Variants in CDH8 observed in about 807,000 individuals in gnomAD.
CDH8 encodes the protein cadherin 8.
A neutral mutation model predicts 68.1 loss-of-function variants in CDH8; 17 were observed. That is an observed-to-expected ratio of 0.25 (90% confidence interval 0.17 to 0.37). The LOEUF (loss-of-function observed/expected upper bound fraction) is 0.37. CDH8 is among the 10% of genes least tolerant of loss of function. The probability of loss-of-function intolerance (pLI) is 1.00; values close to 1 mark genes in which losing one functional copy is unlikely to be tolerated. For missense variants in CDH8, 763 were observed against 999.3 expected, an observed-to-expected ratio of 0.76 and a Z score of 3.19; for synonymous variants, 372 against 365.1, an observed-to-expected ratio of 1.02 and a Z score of -0.21.
chr16:61,914,318 T>C (rs1964204041), intron 2 of CDH8, among the ~76,000 whole-genome samples: 1 of 152,190 alleles, frequency 6.6e-6, no homozygotes, highest in South Asian at 2.1e-4. Context: ...TAATTATCAA[T>C]GAATACCTTA....
chr16:61,850,331 G>A (rs1411616366), intron 4 of CDH8, among the ~76,000 whole-genome samples: 2 of 151,904 alleles, frequency 1.3e-5, no homozygotes, highest in South Asian at 2.1e-4. Flanking sequence ...TGAGGGGAGG[G>A]CACCAAATCA....
chr16:61,989,960 T>G (rs2150588429), intron 2 of CDH8, among the ~76,000 whole-genome samples: 1 of 152,280 alleles, frequency 6.6e-6, no homozygotes, highest in East Asian at 1.9e-4. Context: ...TATCACATGC[T>G]GATTGGGATC....
chr16:61,977,511 G>A lies in CDH8; in HGVS notation c.252+43641C>T, dbSNP rs943607699. Among the ~76,000 whole-genome samples the A allele has an allele frequency of 3.9e-5, 6 of 152,096 alleles. No homozygotes were observed. The East Asian group carries it at 5.8e-4, about 15-fold the overall frequency. ...ATATGATAAATTCTTATCTATAAAA[G>A]TGTGAGTCTGAGGTTAAGGGCAATT... is the stretch of plus-strand genomic sequence containing the variant. On this transcript the variant is annotated intron_variant, in intron 2 of 11. Transcript: ENST00000577390.
chr16:61,735,141 C>A (rs1959641174), intron 8 of CDH8, among the ~76,000 whole-genome samples: 2 of 151,998 alleles, frequency 1.3e-5, no homozygotes, highest in African/African-American at 4.8e-5. Context: ...TTAAGGCCTA[C>A]CTAGGTGATC....
intron 2 of CDH8, among the ~76,000 whole-genome samples, chr16:61,974,405 G>A (rs2150578842): frequency 6.6e-6 from 1 of 152,266 alleles, no homozygotes; most frequent in Middle Eastern, 3.4e-3. Context: ...GCTAAGCCTA[G>A]CAATGCAGGG....
chr16:61,822,174 A>G (rs904730031), intron 5 of CDH8, among the ~76,000 whole-genome samples: 5 of 131,294 alleles, frequency 3.8e-5, no homozygotes, highest in African/African-American at 1.5e-4. Context: ...AGTTCCAGTA[A>G]CCCACTGTAG....
At chr16:61,782,112 C>A (rs143747279) in intron 8 of CDH8, among the ~76,000 whole-genome samples, 1 of 152,122 alleles carries the variant, frequency 6.6e-6, no homozygotes, top group Non-Finnish European at 1.5e-5. Context: ...GGAACAGCTC[C>A]GGTCTACAGC....
intron 3 of CDH8, among the ~76,000 whole-genome samples, chr16:61,884,373 GA>G (rs1020615341): frequency 1.2e-4 from 18 of 150,110 alleles, no homozygotes; most frequent in African/African-American, 4.4e-4. Context: ...CCTTTCTTAT[GA>G]TTTTTTTTTT....
chr16:61,806,774 A>G (rs1162851443), intron 7 of CDH8, among the ~76,000 whole-genome samples: 1 of 46,842 alleles, frequency 2.1e-5, no homozygotes, highest in Admixed American at 2.8e-4. Context: ...ACAATGAGAT[A>G]CCATCTCACA....
At chr16:61,832,365 T>C (rs1453606575) in intron 4 of CDH8, among the ~76,000 whole-genome samples, 3 of 151,376 alleles carry the variant, frequency 2.0e-5, no homozygotes, top group Non-Finnish European at 4.4e-5. Flanking sequence ...GATAGATAGA[T>C]AGATAGATAG....
chr16:61,898,565 C>T (rs1395066929), intron 3 of CDH8, among the ~76,000 whole-genome samples: 1 of 152,110 alleles, frequency 6.6e-6, no homozygotes, highest in Non-Finnish European at 1.5e-5. Flanking sequence ...ATTTTTTCCT[C>T]TGGGATAAAC....
chr16:61,875,206 G>T (rs1963438545), intron 3 of CDH8, among the ~76,000 whole-genome samples: 1 of 151,678 alleles, frequency 6.6e-6, no homozygotes, highest in Non-Finnish European at 1.5e-5. Flanking sequence ...ACATAAAATA[G>T]CTTGGCAAAT....
intron 8 of CDH8, among the ~76,000 whole-genome samples, chr16:61,777,038 G>A (rs1456087980): frequency 6.6e-6 from 1 of 151,994 alleles, no homozygotes; most frequent in African/African-American, 2.4e-5. Context: ...AAAAGAGTGA[G>A]CATGGATAAA....
intron 2 of CDH8, among the ~76,000 whole-genome samples, chr16:61,954,114 G>A (rs1053554699): frequency 2.0e-5 from 3 of 151,884 alleles, no homozygotes; most frequent in Admixed American, 2.0e-4. Context: ...CAGATTTAGA[G>A]GTTAACAAGG....
chr16:61,773,761 A>G (rs1960839569), intron 8 of CDH8, among the ~76,000 whole-genome samples: 1 of 152,110 alleles, frequency 6.6e-6, no homozygotes, highest in South Asian at 2.1e-4. Context: ...ATTGGCAGCC[A>G]TAAAAGGAGC....
chr16:61,780,986 G>C (rs1961036301), intron 8 of CDH8, among the ~76,000 whole-genome samples: 1 of 152,288 alleles, frequency 6.6e-6, no homozygotes, highest in Admixed American at 6.5e-5. Context: ...AACAAAGACA[G>C]ATTTTTAAGT....
rs564807385 is a variant in CDH8, at chr16:61,802,126, G to A, written c.1278-12644C>T. 9.7e-3 allele frequency among the ~76,000 whole-genome samples: 1,257 copies of A among 129,572 alleles called. 40 individuals are homozygous for A. The highest frequency in any genetic ancestry group is 0.042 in the African/African-American group (1,167 of 28,110). The allele number at this position is 129,572 out of a possible 152,430, so 85.0% of individuals were successfully genotyped here. A position where few individuals can be genotyped will look rare whatever the true frequency, so the allele number is the denominator to read the frequency against. ...GCACACAGCTGGAGATCTGAGAACG[G>A]GCAGACTGCCTCCTCAAGTGGGTCC... On this transcript the variant is annotated intron_variant, in intron 7 of 11. Coordinates refer to ENST00000577390, the MANE Select transcript of CDH8 (RefSeq NM_001796.5).
intron 10 of CDH8, chr16:61,693,218 A>C (rs1267189668): frequency 6.6e-6 from 1 of 152,198 alleles, no homozygotes; most frequent in East Asian, 1.9e-4. Flanking sequence ...CTTGTCTTTC[A>C]ATATGATAAG....
At chr16:61,908,089 A>T (rs1257452613) in intron 2 of CDH8, among the ~76,000 whole-genome samples, 1 of 151,536 alleles carries the variant, frequency 6.6e-6, no homozygotes, top group Non-Finnish European at 1.5e-5. Context: ...TGCAACATGA[A>T]TCTCTGTCAT....
Sources: allele counts gnomAD v4.1 joint callset (sites outside exome capture counted in the v4.1 genomes callset), GRCh38; gene constraint gnomAD v4.1.1; transcripts MANE v1.5; gene names NCBI Gene and HGNC (gene_info 2026-07-23, HGNC 2026-07-21).